Variants in MICAL2 observed in about 807,000 individuals in gnomAD.
MICAL2 encodes the protein microtubule associated monooxygenase, calponin and LIM domain containing 2, also known as [F-actin]-monooxygenase MICAL2.
MICAL2 carries 77 observed loss-of-function variants against 127.3 expected under a neutral mutation model. The observed-to-expected ratio is 0.60, with a 90% CI of 0.50 to 0.73. The LOEUF (loss-of-function observed/expected upper bound fraction) is 0.73, where lower values mean the gene tolerates loss of function less well. MICAL2 is among the 30% of genes least tolerant of loss of function. The probability of loss-of-function intolerance (pLI) is 0.00; values close to 1 mark genes in which losing one functional copy is unlikely to be tolerated. For missense variants in MICAL2, 1,351 were observed against 1,434.4 expected (o/e 0.94, Z 0.94); for synonymous variants, 570 against 551.1 (o/e 1.03, Z -0.48).
At chr11:12,122,048 C>T (rs780738851) in intron 1 of MICAL2, among the ~76,000 whole-genome samples, 7 of 152,196 alleles carry the variant, frequency 4.6e-5, no homozygotes, top group African/African-American at 7.2e-5. Flanking sequence ...TTCATTCTGT[C>T]AGCCAAGATT....
intron 3 of MICAL2, among the ~76,000 whole-genome samples, chr11:12,177,989 G>T (rs1279898790): frequency 1.3e-5 from 2 of 152,212 alleles, no homozygotes; most frequent in Admixed American, 1.3e-4. Context: ...AGTGTCTTTT[G>T]CATGCTGATA....
At position 12,256,898 on chromosome 11, in the gene MICAL2, C is replaced by T; in HGVS notation, c.3069C>T (p.His1023=). The change falls in exon 24 of 28, where the codon CAC becomes CAT. Residue 1023 remains histidine, a synonymous_variant. Transcript: ENST00000683283. ...TGAGCGCCGAGGGCCACTTCTTCCA[C>T]CGGGAGTGTTTCCGCTGCAGCATCT... ...ERLSAEGHFF[H]RECFRCSICA... 6.2e-7 allele frequency: 1 copy of T among 1,614,208 alleles called. No individual in the cohort carries two copies. The highest frequency in any genetic ancestry group is 1.7e-5 in the Admixed American group (1 of 60,034).
At chr11:12,205,916 AG>A (rs1201449626) in intron 4 of MICAL2, among the ~76,000 whole-genome samples, 6 of 152,200 alleles carry the variant, frequency 3.9e-5, no homozygotes, top group African/African-American at 1.4e-4. Context: ...TGTTCTTATG[AG>A]GACAAGAATT....
intron 5 of MICAL2, among the ~76,000 whole-genome samples, chr11:12,208,920 G>A (rs1358419096): frequency 6.6e-6 from 1 of 152,206 alleles, no homozygotes; most frequent in Non-Finnish European, 1.5e-5. Context: ...AGCTTTTGGA[G>A]CAGGACAGCA....
chr11:12,185,430 C>T (rs767193868), intron 3 of MICAL2, among the ~76,000 whole-genome samples: 1 of 152,114 alleles, frequency 6.6e-6, no homozygotes, highest in Non-Finnish European at 1.5e-5. Flanking sequence ...AAGCTTCTCT[C>T]CTTATATCCT....
At position 12,261,230 on chromosome 11, in the gene MICAL2, C is replaced by T. The variant is rs540376827; in HGVS notation, c.3335-1250C>T. ...ACATCCTGACTGCTTAGCTGCTCCG[C>T]TGCCACACATATGTGGTCAAAACAG... is the stretch of plus-strand genomic sequence containing the variant. On this transcript the variant is annotated intron_variant, in intron 26 of 27. Coordinates refer to ENST00000683283, the MANE Select transcript of MICAL2 (RefSeq NM_001282663.2). The T allele has an allele frequency of 3.4e-5, 34 of 985,524 alleles. No homozygotes were observed. The South Asian group carries it at 1.6e-3, about 45-fold the overall frequency. The allele number at this position is 985,524 out of a possible 1,614,324, so 61.0% of individuals were successfully genotyped here.
chr11:12,248,030 C>T (rs761836361), intron 21 of MICAL2, among the ~76,000 whole-genome samples: 15 of 152,096 alleles, frequency 9.9e-5, no homozygotes, highest in Non-Finnish European at 1.6e-4. Context: ...TCCGAGGATC[C>T]GTGAATAATA....
At chr11:12,234,207 G>A (rs529052989) in intron 15 of MICAL2, among the ~76,000 whole-genome samples, 6 of 151,992 alleles carry the variant, frequency 3.9e-5, no homozygotes, top group African/African-American at 7.2e-5. Context: ...ATAGGCTCCC[G>A]TGGAACAGTC....
downstream of MICAL2, chr11:12,358,536 ACCACACAC>A (rs1354791877): frequency 2.2e-5 from 33 of 1,526,966 alleles, no homozygotes; most frequent in Non-Finnish European, 2.7e-5. Context: ...GGCCAAGTGC[ACCACACAC>A]CCTCATGGGT....
At chr11:12,169,908 A>G (rs1176485359) in intron 3 of MICAL2, among the ~76,000 whole-genome samples, 3 of 152,194 alleles carry the variant, frequency 2.0e-5, no homozygotes, top group African/African-American at 7.2e-5. Context: ...CTTTAAAAAG[A>G]GAGTGCAGTA....
intron 29 of MICAL2, among the ~76,000 whole-genome samples, chr11:12,297,638 CTTGA>C (rs1864002012): frequency 1.3e-5 from 2 of 151,992 alleles, no homozygotes; most frequent in African/African-American, 2.4e-5. Flanking sequence ...TTCTAGTCTT[CTTGA>C]TTGTTTTCAA....
upstream of MICAL2, chr11:12,276,056 T>C (rs7932768): frequency 0.43 from 170,725 of 398,958 alleles, 41,078 homozygotes; most frequent in East Asian, 0.77. Context: ...AAGGGGACGC[T>C]GCCTCTCCCC....
At chr11:12,128,385 A>G (rs678260) in intron 1 of MICAL2, among the ~76,000 whole-genome samples, 1 of 152,244 alleles carries the variant, frequency 6.6e-6, no homozygotes, top group African/African-American at 2.4e-5. Context: ...ATAAGTGTTA[A>G]CCACATCTTA....
chr11:12,180,349 AT>A (rs72520147), intron 3 of MICAL2, among the ~76,000 whole-genome samples: 20 of 139,686 alleles, frequency 1.4e-4, no homozygotes, highest in African/African-American at 2.7e-4. Context: ...ATATGTATAT[AT>A]TTTTTTTTTG....
chr11:12,223,632 G>A, intron 12 of MICAL2, 131 bp downstream of exon 12: 6 of 719,700 alleles, frequency 8.3e-6, no homozygotes, highest in East Asian at 2.6e-5. Context: ...GTGGTCATGG[G>A]CAGGCACCTG....
intron 1 of MICAL2, among the ~76,000 whole-genome samples, chr11:12,113,048 A>T (rs1849725362): frequency 6.6e-6 from 1 of 152,094 alleles, no homozygotes; most frequent in African/African-American, 2.4e-5. Context: ...GGACGTGGTA[A>T]GGGTAAAAGA....
In MICAL2 at chr11:12,237,904, C is replaced by G. The variant is rs186921759; in HGVS notation, c.2065-1532C>G. 2.4e-4 allele frequency among the ~76,000 whole-genome samples: 36 copies of G among 152,322 alleles called. No individual in the cohort carries two copies. The East Asian group carries it at 6.8e-3, about 29-fold the overall frequency. ...GTGCTGGCCTGTATGGCCCACCGTCCTGGCTAACTTTGGTCTTGTACAAAT... is the reference window on the plus strand; with the variant it reads ...GTGCTGGCCTGTATGGCCCACCGTCGTGGCTAACTTTGGTCTTGTACAAAT... On this transcript the variant is annotated intron_variant, in intron 16 of 27. Coordinates refer to ENST00000683283, the MANE Select transcript of MICAL2 (RefSeq NM_001282663.2).
At chr11:12,294,919 G>C (rs1863966299), downstream of MICAL2, 2 of 1,390,986 alleles carry the variant, frequency 1.4e-6, no homozygotes, top group East Asian at 5.2e-5. Context: ...AATCTTCATT[G>C]CATCGACAAG....
downstream of MICAL2, chr11:12,294,498 T>G: frequency 6.2e-7 from 1 of 1,614,192 alleles, no homozygotes; most frequent in Non-Finnish European, 8.5e-7. Flanking sequence ...TCCAAGGTCT[T>G]TCCTGCACTT....
Sources: allele counts gnomAD v4.1 joint callset (sites outside exome capture counted in the v4.1 genomes callset), GRCh38; gene constraint gnomAD v4.1.1; transcripts MANE v1.5; gene names NCBI Gene and HGNC (gene_info 2026-07-23, HGNC 2026-07-21).